Variants in WDPCP observed in about 807,000 individuals in gnomAD.
The protein encoded by WDPCP is WD repeat-containing and planar cell polarity effector protein fritz homolog.
Under a neutral mutation model 93.1 loss-of-function variants are expected in WDPCP, and 71 were observed. The ratio of observed to expected loss-of-function variants is 0.76; its 90% CI spans 0.63 to 0.93. WDPCP has a LOEUF of 0.93. Ranked by LOEUF, WDPCP falls within the 40% of genes least tolerant of loss-of-function variation. WDPCP has a pLI of 0.00. For synonymous variants in WDPCP, 315 were observed against 315.0 expected (o/e 1.00, Z 0.00); for missense variants, 844 against 887.4 (o/e 0.95, Z 0.62).
intron 15 of WDPCP, among the ~76,000 whole-genome samples, chr2:63,172,506 C>T (rs376637530): frequency 4.6e-5 from 7 of 151,882 alleles, no homozygotes; most frequent in African/African-American, 1.7e-4. Flanking sequence ...AGATGCCGCC[C>T]CCCACCCCTC....
At chr2:63,670,059 T>C (rs915034555) in intron 2 of WDPCP, among the ~76,000 whole-genome samples, 7 of 152,236 alleles carry the variant, frequency 4.6e-5, no homozygotes, top group African/African-American at 1.7e-4. Context: ...TTAGGTATTA[T>C]TGATAAAAAT....
At chr2:63,207,949 T>C (rs1158029801) in intron 14 of WDPCP, among the ~76,000 whole-genome samples, 1 of 152,206 alleles carries the variant, frequency 6.6e-6, no homozygotes, top group Admixed American at 6.5e-5. Context: ...TTTCCTCTTT[T>C]AAATTCTCTA....
intron 14 of WDPCP, among the ~76,000 whole-genome samples, chr2:63,176,444 T>A (rs558267574): frequency 6.6e-6 from 1 of 152,228 alleles, no homozygotes; most frequent in Non-Finnish European, 1.5e-5. Flanking sequence ...AGAGAGGGGC[T>A]TTCACTAGGT....
chr2:63,258,156 C>G (rs1034587057), intron 14 of WDPCP, among the ~76,000 whole-genome samples: 4 of 152,138 alleles, frequency 2.6e-5, no homozygotes, highest in Non-Finnish European at 4.4e-5. Context: ...TAGTAGTACA[C>G]ACATTAATAT....
chr2:63,384,498 C>T (rs976203075), intron 10 of WDPCP, among the ~76,000 whole-genome samples: 1 of 151,284 alleles, frequency 6.6e-6, no homozygotes, highest in Non-Finnish European at 1.5e-5. Flanking sequence ...TTTACACATA[C>T]ACACACACAC....
At chr2:63,474,695 T>G (rs1699872134) in intron 6 of WDPCP, among the ~76,000 whole-genome samples, 1 of 152,144 alleles carries the variant, frequency 6.6e-6, no homozygotes, top group South Asian at 2.1e-4. Flanking sequence ...GATTCAACAA[T>G]ATTGGTAATA....
chr2:63,772,654 T>C (rs1214323278), intron 2 of WDPCP, among the ~76,000 whole-genome samples: 1 of 152,054 alleles, frequency 6.6e-6, no homozygotes, highest in Non-Finnish European at 1.5e-5. Flanking sequence ...ATCAATGTAA[T>C]TCATGACATT....
intron 12 of WDPCP, among the ~76,000 whole-genome samples, chr2:63,331,717 C>T (rs1687991800): frequency 6.6e-6 from 1 of 152,092 alleles, no homozygotes; most frequent in Non-Finnish European, 1.5e-5. Flanking sequence ...ATTTATCCAC[C>T]TTGTTTCTGT....
chr2:63,303,724 T>C (rs189798092), intron 13 of WDPCP, among the ~76,000 whole-genome samples: 8 of 152,278 alleles, frequency 5.3e-5, no homozygotes, highest in African/African-American at 1.7e-4. Flanking sequence ...GAATGCATAT[T>C]GGTCTTGGCT....
At chr2:63,173,395 G>A (rs1169399975) in intron 15 of WDPCP, among the ~76,000 whole-genome samples, 2 of 152,068 alleles carry the variant, frequency 1.3e-5, no homozygotes, top group Admixed American at 6.6e-5. Flanking sequence ...CTAATGAGGC[G>A]AGCAGAACTG....
At chr2:63,542,594 T>G (rs1704828097) in intron 1 of WDPCP, among the ~76,000 whole-genome samples, 1 of 152,252 alleles carries the variant, frequency 6.6e-6, no homozygotes, top group African/African-American at 2.4e-5. Flanking sequence ...AAATTATTTC[T>G]GTAACATTTT....
intron 13 of WDPCP, among the ~76,000 whole-genome samples, chr2:63,300,579 C>T (rs962451043): frequency 1.3e-5 from 2 of 152,244 alleles, no homozygotes; most frequent in Admixed American, 1.3e-4. Context: ...GGATCCCCAA[C>T]TTTCCTATCA....
chr2:63,752,084 G>C (rs1575764556), intron 2 of WDPCP: 1 of 603,054 alleles, frequency 1.7e-6, no homozygotes, highest in Admixed American at 2.2e-5. Flanking sequence ...TCCACCTCTT[G>C]TTTTGGCAGG....
intron 13 of WDPCP, among the ~76,000 whole-genome samples, chr2:63,308,152 C>G (rs1013904179): frequency 1.3e-5 from 2 of 152,202 alleles, no homozygotes; most frequent in African/African-American, 4.8e-5. Context: ...AAAAGCTCAT[C>G]ATCACTGGTC....
At chr2:63,574,847 A>T (rs1707800735) in intron 1 of WDPCP, among the ~76,000 whole-genome samples, 1 of 152,162 alleles carries the variant, frequency 6.6e-6, no homozygotes, top group Admixed American at 6.5e-5. Context: ...TAGAAATGCA[A>T]ATTATGTCCT....
At chr2:63,132,139 T>A (rs892659004) in intron 17 of WDPCP, among the ~76,000 whole-genome samples, 1 of 151,934 alleles carries the variant, frequency 6.6e-6, no homozygotes, top group African/African-American at 2.4e-5. Flanking sequence ...CCCGGCCCAG[T>A]TGATGTTTTT....
At chr2:63,816,055 T>C (rs140143582) in intron 1 of WDPCP, among the ~76,000 whole-genome samples, 3 of 152,322 alleles carry the variant, frequency 2.0e-5, no homozygotes, top group African/African-American at 7.2e-5. Context: ...TTTTCAGTTG[T>C]ACAAAATATC....
At chr2:63,219,310 A>T (rs144823976) in intron 14 of WDPCP, among the ~76,000 whole-genome samples, 2 of 152,340 alleles carry the variant, frequency 1.3e-5, no homozygotes, top group Non-Finnish European at 2.9e-5. Flanking sequence ...TGAAGCAGAC[A>T]TAAGCATAGG....
At chr2:63,638,685 A>T (rs1225901343) in intron 3 of WDPCP, among the ~76,000 whole-genome samples, 2 of 151,962 alleles carry the variant, frequency 1.3e-5, no homozygotes, top group African/African-American at 4.8e-5. Context: ...GCTAATCAGG[A>T]GGCTGAGGTG....
Sources: allele counts gnomAD v4.1 joint callset (sites outside exome capture counted in the v4.1 genomes callset), GRCh38; gene constraint gnomAD v4.1.1; transcripts MANE v1.5; gene names NCBI Gene and HGNC (gene_info 2026-07-23, HGNC 2026-07-21).